The following COL19A1 variants were observed in gnomAD, a reference collection of about 807,000 sequenced individuals.
COL19A1 encodes the protein collagen alpha-1(XIX) chain.
COL19A1 carries 159 observed loss-of-function variants against 190.2 expected under a neutral mutation model. The ratio of observed to expected loss-of-function variants is 0.84; its 90% CI spans 0.73 to 0.95. The LOEUF (loss-of-function observed/expected upper bound fraction) is 0.95. COL19A1 is among the 40% of genes least tolerant of loss of function. The probability of loss-of-function intolerance (pLI) is 0.00; values close to 1 mark genes in which losing one functional copy is unlikely to be tolerated. For synonymous variants in COL19A1, 509 were observed against 458.9 expected, an observed-to-expected ratio of 1.11 and a Z score of -1.39; for missense variants, 1,418 against 1,431.9, an observed-to-expected ratio of 0.99 and a Z score of 0.16.
chr6:70,139,597 T>TCA (rs540933205), intron 19 of COL19A1, among the ~76,000 whole-genome samples: 255 of 152,162 alleles, frequency 1.7e-3, no homozygotes, highest in African/African-American at 5.6e-3. Context: ...AACTTTCTCT[T>TCA]CCAGAACAGG....
intron 49 of COL19A1, among the ~76,000 whole-genome samples, chr6:70,204,314 G>C (rs1055853917): frequency 2.0e-5 from 3 of 152,086 alleles, no homozygotes; most frequent in Non-Finnish European, 4.4e-5. Context: ...TTCCTACAAG[G>C]AGTTTTGTTA....
intron 11 of COL19A1, among the ~76,000 whole-genome samples, chr6:69,981,951 A>AGGAAAAG (rs1776057011): frequency 6.6e-6 from 1 of 152,192 alleles, no homozygotes; most frequent in African/African-American, 2.4e-5. Context: ...GATTAAAGAT[A>AGGAAAAG]GGAAAAGCAG....
At chr6:69,895,674 C>T (rs1769680337) in intron 2 of COL19A1, among the ~76,000 whole-genome samples, 3 of 152,286 alleles carry the variant, frequency 2.0e-5, no homozygotes, top group East Asian at 1.9e-4. Flanking sequence ...CCTCAGTGGG[C>T]GGGCTGGTTG....
At chr6:70,051,061 T>C (rs1780175095) in intron 14 of COL19A1, among the ~76,000 whole-genome samples, 1 of 152,190 alleles carries the variant, frequency 6.6e-6, no homozygotes, top group Admixed American at 6.6e-5. Context: ...AAGGTCATTT[T>C]CAACTCTAAA....
chr6:70,016,642 A>T (rs73484262), intron 11 of COL19A1, among the ~76,000 whole-genome samples: 3,320 of 152,130 alleles, frequency 0.022, 99 homozygotes, highest in African/African-American at 0.066. Context: ...TATATCTGAT[A>T]AATGACTTGT....
intron 5 of COL19A1, among the ~76,000 whole-genome samples, chr6:69,928,521 A>C (rs1473758017): frequency 2.6e-5 from 4 of 152,220 alleles, no homozygotes; most frequent in Admixed American, 2.6e-4. Context: ...AAGAGATCTG[A>C]AAAACAGAAT....
At chr6:70,140,880 G>C in intron 19 of COL19A1, 74 bp from the exon 20 acceptor site, 1 of 1,433,170 alleles carries the variant, frequency 7.0e-7, no homozygotes, top group Non-Finnish European at 9.8e-7. Context: ...TGGCCTATAG[G>C]GTTTATCCAC....
intron 16 of COL19A1, among the ~76,000 whole-genome samples, chr6:70,112,628 T>G (rs563473539): frequency 1.2e-3 from 183 of 152,276 alleles, no homozygotes; most frequent in South Asian, 2.3e-3. Flanking sequence ...TTTTTCTGCC[T>G]TAGAAAACAA....
chr6:69,941,219 T>C (rs1024653679), intron 9 of COL19A1, among the ~76,000 whole-genome samples: 12 of 152,170 alleles, frequency 7.9e-5, no homozygotes, highest in Middle Eastern at 3.2e-3. Context: ...CCACTTAGGA[T>C]TGAATCCTCT....
intron 10 of COL19A1, among the ~76,000 whole-genome samples, chr6:69,960,856 C>T (rs937223393): frequency 6.6e-6 from 1 of 152,180 alleles, no homozygotes; most frequent in African/African-American, 2.4e-5. Flanking sequence ...TGGTCTCGAT[C>T]TCCTGACCTC....
At chr6:70,034,168 G>A in intron 12 of COL19A1, 77 bp from the exon 13 acceptor site, 1 of 1,002,596 alleles carries the variant, frequency 1.0e-6, no homozygotes, top group East Asian at 2.4e-5. Context: ...AGTAAATTAT[G>A]ATTTATTTTG....
chr6:70,050,783 T>C (rs1400318936), intron 14 of COL19A1, among the ~76,000 whole-genome samples: 1 of 152,140 alleles, frequency 6.6e-6, no homozygotes, highest in Non-Finnish European at 1.5e-5. Context: ...CTGATTATTT[T>C]TGATCAATTT....
chr6:70,153,381 T>C (rs943206846), intron 31 of COL19A1, among the ~76,000 whole-genome samples: 9 of 152,180 alleles, frequency 5.9e-5, no homozygotes, highest in Non-Finnish European at 1.5e-5. Context: ...TTAATCAGCA[T>C]ATCAATCCCT....
rs193181038 is a variant in COL19A1 at position 69,982,494 on chromosome 6, C to T, written c.1026+19624C>T. On this transcript the variant is annotated intron_variant, in intron 11 of 50. Transcript: ENST00000620364. ...GACCTCGTGATCCACCTGCCTCGGC[C>T]TCCCACAGTGCTGGGATTACAGGGG... Among the ~76,000 whole-genome samples the T allele has an allele frequency of 2.1e-4, 32 of 151,970 alleles. No individual in the cohort carries two copies. The East Asian group carries it at 3.9e-3, about 19-fold the overall frequency.
At chr6:70,104,150 A>G (rs948729157) in intron 16 of COL19A1, among the ~76,000 whole-genome samples, 21 of 152,166 alleles carry the variant, frequency 1.4e-4, no homozygotes, top group Admixed American at 1.3e-3. Flanking sequence ...TATTTGTTAT[A>G]TAAAAGCACA....
intron 11 of COL19A1, among the ~76,000 whole-genome samples, chr6:70,020,734 C>A (rs1211518221): frequency 2.6e-5 from 4 of 152,020 alleles, no homozygotes; most frequent in African/African-American, 9.7e-5. Flanking sequence ...GAGCAGAGAG[C>A]AAGGATGATA....
chr6:69,962,713 G>A, intron 10 of COL19A1, 113 bp from the exon 11 acceptor site: 1 of 617,838 alleles, frequency 1.6e-6, no homozygotes, highest in Non-Finnish European at 2.6e-6. Flanking sequence ...GTTAGAAATG[G>A]TTATTTACAA....
chr6:70,028,765 C>T (rs1212099517), intron 12 of COL19A1, among the ~76,000 whole-genome samples: 1 of 152,012 alleles, frequency 6.6e-6, no homozygotes, highest in Admixed American at 6.6e-5. Context: ...TCTCTGTACC[C>T]CAAAATTACC....
At chr6:69,983,768 C>T (rs1032289934) in intron 11 of COL19A1, among the ~76,000 whole-genome samples, 18 of 152,000 alleles carry the variant, frequency 1.2e-4, no homozygotes, top group Non-Finnish European at 2.5e-4. Flanking sequence ...GATTGATTTT[C>T]AAATGCTAAA....
Sources: gnomAD v4.1 joint callset for allele counts (sites outside exome capture counted in the v4.1 genomes callset) on GRCh38, gnomAD v4.1.1 for gene constraint, MANE v1.5 for transcripts, NCBI Gene and HGNC (gene_info 2026-07-23, HGNC 2026-07-21) for gene names.